The following BANK1 variants were observed in gnomAD, a reference collection of about 807,000 sequenced individuals.
The protein encoded by BANK1 is B-cell scaffold protein with ankyrin repeats.
In BANK1, 95 loss-of-function variants were observed where a neutral mutation model predicts 94.5. The ratio of observed to expected loss-of-function variants is 1.00; its 90% confidence interval spans 0.85 to 1.19. The LOEUF (loss-of-function observed/expected upper bound fraction) is 1.19. Among genes scored for constraint, BANK1 ranks in the 50% most tolerant of loss-of-function variants. The probability of loss-of-function intolerance (pLI) is 0.00; values close to 1 mark genes in which losing one functional copy is unlikely to be tolerated. For missense variants in BANK1, 987 were observed against 932.2 expected (o/e 1.06, Z -0.77); for synonymous variants, 334 against 308.4 (o/e 1.08, Z -0.87).
chr4:101,967,543 C>CA (rs1251953100), intron 7 of BANK1, among the ~76,000 whole-genome samples: 1 of 151,946 alleles, frequency 6.6e-6, no homozygotes, highest in African/African-American at 2.4e-5. Flanking sequence ...GAAGTTCAGA[C>CA]AAAATTACAT....
At chr4:102,000,596 G>A (rs1403377032) in intron 7 of BANK1, among the ~76,000 whole-genome samples, 1 of 152,132 alleles carries the variant, frequency 6.6e-6, no homozygotes, top group Non-Finnish European at 1.5e-5. Context: ...CTTGCAGATT[G>A]GGAAGTGGGT....
At chr4:101,925,701 TAA>T (rs1723131861) in intron 7 of BANK1, among the ~76,000 whole-genome samples, 1 of 151,746 alleles carries the variant, frequency 6.6e-6, no homozygotes, top group South Asian at 2.1e-4. Flanking sequence ...AAATCGTCTT[TAA>T]AGACCCTTGG....
chr4:101,823,928 G>C (rs1359079347), intron 1 of BANK1, among the ~76,000 whole-genome samples: 1 of 152,210 alleles, frequency 6.6e-6, no homozygotes, highest in African/African-American at 2.4e-5. Context: ...TTGTAAAAAT[G>C]GACTTGAGTA....
At chr4:101,969,582 T>C (rs1401362888) in intron 7 of BANK1, among the ~76,000 whole-genome samples, 1 of 152,030 alleles carries the variant, frequency 6.6e-6, no homozygotes, top group African/African-American at 2.4e-5. Flanking sequence ...TCCCTAAAAG[T>C]TTCTTTGTAA....
chr4:101,800,750 T>C (rs1725331710), intron 1 of BANK1, among the ~76,000 whole-genome samples: 1 of 152,222 alleles, frequency 6.6e-6, no homozygotes, highest in Admixed American at 6.5e-5. Flanking sequence ...AGACAAGATT[T>C]GTTTTTAAAT....
intron 2 of BANK1, among the ~76,000 whole-genome samples, chr4:101,847,013 C>T (rs1035206809): frequency 6.6e-6 from 1 of 152,126 alleles, no homozygotes; most frequent in African/African-American, 2.4e-5. Flanking sequence ...GCATCTGCTG[C>T]GCTCCAGATT....
Position 101,852,475 on chromosome 4 carries a change from T to TATA in BANK1, c.470-2559_470-2557dup, listed in dbSNP as rs1170728943. 4.1e-5 allele frequency among the ~76,000 whole-genome samples: 4 copies of TATA among 96,796 alleles called. No individual in the cohort carries two copies. The East Asian group carries it at 1.2e-3, about 29-fold the overall frequency. The allele number at this position is 96,796 out of a possible 152,430, so 63.5% of individuals were successfully genotyped here. Reference sequence around the variant, plus strand: ...AACCACTCAATATTTTTCGGCTATATATATATATATATATATATATATATA... The same window carrying TATA: ...AACCACTCAATATTTTTCGGCTATATATAATATATATATATATATATATATATA... On this transcript the variant is annotated intron_variant, in intron 2 of 16. Transcript: ENST00000322953.
chr4:101,825,412 A>G (rs190478306), intron 1 of BANK1, among the ~76,000 whole-genome samples: 3 of 152,176 alleles, frequency 2.0e-5, no homozygotes, highest in African/African-American at 7.2e-5. Context: ...TCAGTTACAA[A>G]CTTCTATTTT....
intron 2 of BANK1, among the ~76,000 whole-genome samples, chr4:101,852,945 T>C (rs1178983321): frequency 6.6e-6 from 1 of 152,142 alleles, no homozygotes; most frequent in Non-Finnish European, 1.5e-5. Context: ...TTTTAAGGTG[T>C]ATTAAATAAA....
At chr4:102,016,059 GT>G (rs1383834213) in intron 7 of BANK1, among the ~76,000 whole-genome samples, 1 of 152,010 alleles carries the variant, frequency 6.6e-6, no homozygotes, top group Non-Finnish European at 1.5e-5. Flanking sequence ...TTTGTTCATG[GT>G]CCCCCATTGG....
chr4:101,971,867 C>T (rs1253173637), intron 7 of BANK1, among the ~76,000 whole-genome samples: 2 of 151,990 alleles, frequency 1.3e-5, no homozygotes, highest in African/African-American at 2.4e-5. Flanking sequence ...TTGCCAGTGC[C>T]GTGCTGTTTA....
At position 102,060,230 on chromosome 4, in the gene BANK1, T is replaced by G. The variant is rs920056723; in HGVS notation, c.1989T>G (p.Ser663Arg). 1.2e-5 allele frequency: 19 copies of G among 1,585,950 alleles called. No individual in the cohort carries two copies. The highest frequency in any genetic ancestry group is 1.5e-5 in the Non-Finnish European group (18 of 1,172,366). Residue 663 changes from serine (S) to arginine (R), a missense_variant, in exon 12 of 17, where the codon AGT (serine) becomes AGG (arginine). Ser to Arg is a moderately radical substitution (Grantham distance 110). Transcript: ENST00000322953. The part of the protein sequence containing the change: ...PKKQDRARIE[S>R]PAFSTLRGCL... ...TTTTAGACAGAGCTCGGATAGAGAG[T>G]CCAGCCTTTTCTACTCTCAGGGGCT...
At chr4:101,865,241 A>C (rs747352991) in intron 4 of BANK1, among the ~76,000 whole-genome samples, 8 of 152,280 alleles carry the variant, frequency 5.3e-5, no homozygotes, top group Non-Finnish European at 1.2e-4. Flanking sequence ...GTCATTTGAA[A>C]TCTGCTTACC....
rs749781056 is a variant in BANK1 at position 102,030,084 on chromosome 4, G to A, written c.1719G>A (p.Glu573=). 81 of 1,613,752 alleles carry A rather than the reference G, an allele frequency of 5.0e-5. No individual in the cohort carries two copies. The highest frequency in any genetic ancestry group is 6.7e-5 in the Non-Finnish European group (79 of 1,179,920). The part of the protein sequence containing the change: ...EKKEEEKEQE[E]EEDPYTFAEI... ...AAGAAGAGGAAAAAGAGCAGGAGGA[G>A]GAAGAAGACCCATATACTTTTGCTG... Residue 573 remains glutamate, a synonymous_variant, in exon 10 of 17, where the codon GAG becomes GAA. Coordinates refer to ENST00000322953, the MANE Select transcript of BANK1 (RefSeq NM_017935.5).
At position 101,840,618 on chromosome 4, in the gene BANK1, C is replaced by T. The variant is rs192846806; in HGVS notation, c.469+10412C>T. ...CCTAAGCCCATCCCTTTATTTCAGCCCATCCCTTTGTTTCCCATAAGGAAT... is the reference window on the plus strand; with the variant it reads ...CCTAAGCCCATCCCTTTATTTCAGCTCATCCCTTTGTTTCCCATAAGGAAT... On this transcript the variant is annotated intron_variant, in intron 2 of 16. Coordinates refer to ENST00000322953, the MANE Select transcript of BANK1 (RefSeq NM_017935.5). Among the ~76,000 whole-genome samples the T allele has an allele frequency of 1.1e-4, 16 of 152,290 alleles. No individual in the cohort carries two copies. The East Asian group carries it at 1.7e-3, about 17-fold the overall frequency.
rs34921784 is a variant in BANK1, at chr4:102,002,364, GA to G, written c.1207-19139del. Among the ~76,000 whole-genome samples the G allele has an allele frequency of 7.5e-3, 1,063 of 141,392 alleles. 11 individuals are homozygous for G. Among genetic ancestry groups the G allele is most frequent in the East Asian group, 0.058 (288 of 4,932 alleles). The allele number at this position is 141,392 out of a possible 152,430, so 92.8% of individuals were successfully genotyped here. ...TTGTAAGTCAGTTTCTTCCTTTGTG[GA>G]AAAAAAAAAAGAGGTAACAATAGTA... On this transcript the variant is annotated intron_variant, in intron 7 of 16. Coordinates refer to ENST00000322953, the MANE Select transcript of BANK1 (RefSeq NM_017935.5).
intron 10 of BANK1, among the ~76,000 whole-genome samples, chr4:102,033,867 T>G (rs1188484445): frequency 6.6e-6 from 1 of 152,242 alleles, no homozygotes; most frequent in Non-Finnish European, 1.5e-5. Flanking sequence ...TTCCATTTTT[T>G]ATTTCCTTTT....
At chr4:102,054,141 T>C (rs1728146690) in intron 11 of BANK1, among the ~76,000 whole-genome samples, 1 of 151,492 alleles carries the variant, frequency 6.6e-6, no homozygotes, top group Non-Finnish European at 1.5e-5. Context: ...CTCAAAGATA[T>C]CTTATGAGAT....
intron 1 of BANK1, among the ~76,000 whole-genome samples, chr4:101,820,291 C>G (rs930794169): frequency 6.6e-6 from 1 of 152,116 alleles, no homozygotes; most frequent in African/African-American, 2.4e-5. Context: ...TGGCAATATC[C>G]ATGAACAATT....
Sources: allele counts gnomAD v4.1 joint callset (sites outside exome capture counted in the v4.1 genomes callset), GRCh38; gene constraint gnomAD v4.1.1; transcripts MANE v1.5; gene names NCBI Gene and HGNC (gene_info 2026-07-23, HGNC 2026-07-21).